ELFN2: variants seen among roughly 807,000 people sequenced by gnomAD.
ELFN2 encodes the protein extracellular leucine rich repeat and fibronectin type III domain containing 2.
ELFN2 carries 17 observed loss-of-function variants against 45.5 expected under a neutral mutation model. That is an observed-to-expected ratio of 0.37 (90% CI 0.26 to 0.56). The LOEUF (loss-of-function observed/expected upper bound fraction) is 0.56. Among genes scored for constraint, ELFN2 ranks in the 20% least tolerant of loss-of-function variants. The probability of loss-of-function intolerance (pLI) is 0.77; values close to 1 mark genes in which losing one functional copy is unlikely to be tolerated. For missense variants in ELFN2, 922 were observed against 1,183.2 expected (o/e 0.78, Z 3.24); for synonymous variants, 550 against 551.5 (o/e 1.00, Z 0.04).
chr22:37,406,092 C>T (rs569839321), intron 2 of ELFN2, among the ~76,000 whole-genome samples: 120 of 152,036 alleles, frequency 7.9e-4, no homozygotes, highest in Non-Finnish European at 1.2e-3. Flanking sequence ...CAATGAGCCA[C>T]GATTGCACCA....
At chr22:37,349,168 G>A (rs1355352874) in intron 1 of ELFN2, among the ~76,000 whole-genome samples, 1 of 151,262 alleles carries the variant, frequency 6.6e-6, no homozygotes, top group East Asian at 1.9e-4. Flanking sequence ...CCAAGCCCCG[G>A]CACCAGGAGG....
At chr22:37,403,484 G>A (rs1174094549) in intron 2 of ELFN2, among the ~76,000 whole-genome samples, 1 of 152,326 alleles carries the variant, frequency 6.6e-6, no homozygotes, top group African/African-American at 2.4e-5. Flanking sequence ...TGGGCAACAG[G>A]ACTAATTAAT....
At chr22:37,421,885 G>T (rs1301822324) in intron 1 of ELFN2, among the ~76,000 whole-genome samples, 1 of 152,204 alleles carries the variant, frequency 6.6e-6, no homozygotes, top group Admixed American at 6.5e-5. Context: ...AGTGAGGCAG[G>T]TCGGCTGACC....
chr22:37,393,345 C>T (rs962183772), intron 2 of ELFN2, among the ~76,000 whole-genome samples: 7 of 152,244 alleles, frequency 4.6e-5, no homozygotes, highest in Non-Finnish European at 1.0e-4. Context: ...CCACTCGCAC[C>T]TGGGCCTGGG....
chr22:37,375,071 C>A lies in ELFN2; in HGVS notation c.464G>T (p.Ser155Ile). ...TAFSECPSLI[S>I]IDLSSNRLSR... ...GAGGCGGTTGGAGGACAGGTCGATG[C>A]TGATGAGGCTCGGGCACTCGGAGAA... Residue 155 changes from serine (S) to isoleucine (I), a missense_variant, in exon 3 of 3, where the codon AGC (serine) becomes ATC (isoleucine). By Grantham distance (142) the Ser-to-Ile change is moderately radical. Around this residue, in one of 2 missense-constraint regions of ELFN2, gnomAD observed 358 missense variants for 540.4 expected, o/e 0.66. Transcript: ENST00000402918. 6.2e-7 allele frequency: 1 copy of A among 1,613,616 alleles called. No homozygotes were observed. Among genetic ancestry groups the A allele is most frequent in the South Asian group, 1.1e-5 (1 of 91,080 alleles).
intron 1 of ELFN2, among the ~76,000 whole-genome samples, chr22:37,359,346 G>A (rs1333198839): frequency 6.7e-6 from 1 of 149,502 alleles, no homozygotes; most frequent in Non-Finnish European, 1.5e-5. Context: ...TCCTTCTTGG[G>A]AGCCTTCCCC....
chr22:37,415,303 G>A (rs887033985), intron 2 of ELFN2, among the ~76,000 whole-genome samples: 1 of 152,256 alleles, frequency 6.6e-6, no homozygotes, highest in African/African-American at 2.4e-5. Flanking sequence ...CGGTGCCCTA[G>A]GCCAGGGCTG....
At chr22:37,413,931 G>A (rs1282820471) in intron 2 of ELFN2, among the ~76,000 whole-genome samples, 1 of 152,218 alleles carries the variant, frequency 6.6e-6, no homozygotes, top group Non-Finnish European at 1.5e-5. Context: ...AGCAGCAGAA[G>A]ACAGCACTGG....
downstream of ELFN2, among the ~76,000 whole-genome samples, chr22:37,367,653 C>T (rs968469245): frequency 2.0e-5 from 3 of 152,192 alleles, no homozygotes; most frequent in Admixed American, 6.5e-5. Flanking sequence ...AGCAGAAAAT[C>T]GAGTGACAGC....
intron 2 of ELFN2, among the ~76,000 whole-genome samples, chr22:37,393,466 A>G (rs1932133182): frequency 6.6e-6 from 1 of 152,228 alleles, no homozygotes; most frequent in Non-Finnish European, 1.5e-5. Context: ...CACGTCCCAA[A>G]TCAGAGAGGA....
At chr22:37,350,376 A>G (rs956304814) in intron 1 of ELFN2, among the ~76,000 whole-genome samples, 1 of 150,564 alleles carries the variant, frequency 6.6e-6, no homozygotes, top group Admixed American at 6.6e-5. Context: ...CGCAGTGTGC[A>G]GCTGACTGAG....
intron 1 of ELFN2, chr22:37,354,878 G>C (rs768252918): frequency 4.6e-5 from 7 of 151,812 alleles, no homozygotes; most frequent in Non-Finnish European, 8.8e-5. Flanking sequence ...TCCAGACATT[G>C]CCAAATGTCC....
At chr22:37,343,300 CGCCCCTAT>C (rs1930605557) in intron 1 of ELFN2, among the ~76,000 whole-genome samples, 1 of 152,168 alleles carries the variant, frequency 6.6e-6, no homozygotes, top group South Asian at 2.1e-4. Context: ...CCTGCTCCCC[CGCCCCTAT>C]GCCCCTGGGC....
chr22:37,402,221 T>C (rs955765849), intron 2 of ELFN2, among the ~76,000 whole-genome samples: 1 of 152,266 alleles, frequency 6.6e-6, no homozygotes, highest in Non-Finnish European at 1.5e-5. Flanking sequence ...CATGCTATTA[T>C]GTAAAGAAGA....
Position 37,374,278 on chromosome 22 carries a change from C to A in ELFN2, c.1257G>T (p.Leu419=). Residue 419 remains leucine (L), a synonymous_variant, in exon 3 of 3, where the codon CTG becomes CTT. Coordinates refer to ENST00000402918, the MANE Select transcript of ELFN2 (RefSeq NM_052906.5). ...TCTCCTCCTGCATGCGCCGCTTGCG[C>A]AGGCAGTAGTACACGGCTCCCAGCA... is the stretch of plus-strand genomic sequence containing the variant. ...VIVLGAVYYC[L]RKRRMQEEKQ... 6.2e-7 allele frequency: 1 copy of A among 1,614,044 alleles called. No individual in the cohort carries two copies.
rs1461211202 is a variant in ELFN2, at chr22:37,402,951, C to A, written c.-463+14818G>T. 2.0e-5 allele frequency among the ~76,000 whole-genome samples: 3 copies of A among 152,242 alleles called. No homozygotes were observed. In the East Asian group the frequency reaches 5.8e-4, roughly 29 times the overall value. Reference sequence around the variant, plus strand: ...GTGGCCTGTTCCCTTCAGGTCTCCTCCACATCCTCCACTTGAGCCCACTTC... The same window carrying A: ...GTGGCCTGTTCCCTTCAGGTCTCCTACACATCCTCCACTTGAGCCCACTTC... On this transcript the variant is annotated intron_variant, in intron 2 of 2. Transcript: ENST00000402918.
chr22:37,409,276 T>C (rs1415168679), intron 2 of ELFN2, among the ~76,000 whole-genome samples: 1 of 152,088 alleles, frequency 6.6e-6, no homozygotes, highest in East Asian at 1.9e-4. Flanking sequence ...TCAAGGACCC[T>C]GGGAAGCTCC....
intron 1 of ELFN2, among the ~76,000 whole-genome samples, chr22:37,418,309 G>T (rs956225741): frequency 1.3e-5 from 2 of 152,028 alleles, no homozygotes; most frequent in Non-Finnish European, 2.9e-5. Flanking sequence ...CAGGAGAGAT[G>T]GAGGGCTGAG....
Position 37,374,132 on chromosome 22 carries a change from G to T in ELFN2, c.1403C>A (p.Ser468Tyr). 1 of 1,613,004 alleles carries T rather than the reference G, an allele frequency of 6.2e-7. No individual in the cohort carries two copies. Among genetic ancestry groups the T allele is most frequent in the African/African-American group, 1.3e-5 (1 of 75,066 alleles). The change falls in exon 3 of 3, where the codon TCT (serine) becomes TAT (tyrosine). Residue 468 changes from serine (S) to tyrosine (Y), a missense_variant. Around this residue, in one of 2 missense-constraint regions of ELFN2, gnomAD observed 564 missense variants for 642.8 expected, o/e 0.88. Coordinates refer to ENST00000402918, the MANE Select transcript of ELFN2 (RefSeq NM_052906.5). Reference protein sequence around the residue: ...KLGEPPVLPVSRMASIPSMIG... With the variant: ...KLGEPPVLPVYRMASIPSMIG... ...CATGGAGGGGATGGAGGCCATGCGAGATACGGGCAGCACGGGAGGCTCGCC... is the reference window on the plus strand; with the variant it reads ...CATGGAGGGGATGGAGGCCATGCGATATACGGGCAGCACGGGAGGCTCGCC...
Sources: allele counts gnomAD v4.1 joint callset (sites outside exome capture counted in the v4.1 genomes callset), GRCh38; gene constraint gnomAD v4.1.1; regional missense constraint gnomAD v4.1.1; transcripts MANE v1.5; gene names NCBI Gene and HGNC (gene_info 2026-07-23, HGNC 2026-07-21).